FAT1: variants seen among roughly 807,000 people sequenced by gnomAD.
FAT1 encodes protocadherin Fat 1.
In FAT1, 171 loss-of-function variants were observed where a neutral mutation model predicts 329.8. The ratio of observed to expected loss-of-function variants is 0.52; its 90% CI spans 0.46 to 0.59. The LOEUF (loss-of-function observed/expected upper bound fraction) is 0.59, where lower values mean the gene tolerates loss of function less well. Ranked by LOEUF, FAT1 falls within the 20% of genes least tolerant of loss-of-function variation. The pLI, the probability that FAT1 is intolerant of heterozygous loss-of-function variation, is 0.00. For missense variants in FAT1, 5,672 were observed against 5,774.4 expected, an observed-to-expected ratio of 0.98 and a Z score of 0.57; for synonymous variants, 2,233 against 2,228.6, an observed-to-expected ratio of 1.00 and a Z score of -0.06.
At chr4:186,696,412 C>T (rs748605325) in intron 2 of FAT1, among the ~76,000 whole-genome samples, 1 of 152,042 alleles carries the variant, frequency 6.6e-6, no homozygotes, top group Non-Finnish European at 1.5e-5. Context: ...AATATGTAAA[C>T]ACCTTCAGCT....
rs1740052269 is a variant in FAT1, at chr4:186,621,609, A to G, written c.4977T>C (p.Ile1659=). 1 of 1,613,942 alleles carries G rather than the reference A, an allele frequency of 6.2e-7. No homozygotes were observed. Among genetic ancestry groups the G allele is most frequent in the Non-Finnish European group, 8.5e-7 (1 of 1,179,918 alleles). The part of the protein sequence containing the change: ...EITSVRIFVT[I]ADNASPKFTS... ...TAAACTTCGGAGAGGCGTTGTCAGC[A>G]ATTGTGACAAAGATACGCACAGAAG... Residue 1659 remains isoleucine (I), a synonymous_variant, in exon 10 of 27, where the codon ATT becomes ATC. Coordinates refer to ENST00000441802, the MANE Select transcript of FAT1 (RefSeq NM_005245.4).
rs760567897 is a variant in FAT1, at chr4:186,603,682, C to T, written c.10844G>A (p.Ser3615Asn). Reference sequence around the variant, plus strand: ...CGTCGTGAACTTCCCATCTGTTACGCTGACATTGAGAAGGTATTGCCCTAT... The same window carrying T: ...CGTCGTGAACTTCCCATCTGTTACGTTGACATTGAGAAGGTATTGCCCTAT... ...LDIGQYLLNV[S>N]VTDGKFTTVA... The change falls in exon 19 of 27, where the codon AGC (serine) becomes AAC (asparagine). Residue 3615 changes from serine (S) to asparagine (N), a missense_variant. By Grantham distance (46) the Ser-to-Asn change is conservative. This residue lies in a region of FAT1 where 1,706 missense variants were observed against 1,859.1 expected (regional missense o/e 0.92). Coordinates refer to ENST00000441802, the MANE Select transcript of FAT1 (RefSeq NM_005245.4). 2.5e-5 allele frequency: 40 copies of T among 1,613,888 alleles called. No homozygotes were observed. Among genetic ancestry groups the T allele is most frequent in the Non-Finnish European group, 8.5e-7 (1 of 1,179,906 alleles).
intron 26 of FAT1, among the ~76,000 whole-genome samples, chr4:186,595,172 C>T (rs140729779): frequency 7.9e-5 from 12 of 152,212 alleles, no homozygotes; most frequent in African/African-American, 2.4e-4. Flanking sequence ...TCTGGCAGTA[C>T]GCTCTGATCC....
intron 3 of FAT1, among the ~76,000 whole-genome samples, chr4:186,652,911 G>A (rs986974020): frequency 4.6e-5 from 7 of 152,006 alleles, no homozygotes; most frequent in African/African-American, 1.7e-4. Context: ...CGTGCTTTAG[G>A]GATTACCACA....
At chr4:186,665,506 T>G (rs868648773) in intron 2 of FAT1, among the ~76,000 whole-genome samples, 1 of 152,226 alleles carries the variant, frequency 6.6e-6, no homozygotes, top group African/African-American at 2.4e-5. Context: ...TTGAGAAGTG[T>G]CTGTTCATAT....
intron 7 of FAT1, among the ~76,000 whole-genome samples, chr4:186,630,821 T>C (rs1740547953): frequency 2.0e-5 from 3 of 151,902 alleles, no homozygotes; most frequent in Admixed American, 1.3e-4. Flanking sequence ...AGTGATCTGC[T>C]CCAGAGGCCA....
At chr4:186,634,373 T>C (rs1467809412) in intron 6 of FAT1, among the ~76,000 whole-genome samples, 1 of 152,204 alleles carries the variant, frequency 6.6e-6, no homozygotes, top group Non-Finnish European at 1.5e-5. Flanking sequence ...GTTTCTATCC[T>C]ATTAATATTA....
At chr4:186,692,376 A>G (rs925844675) in intron 2 of FAT1, among the ~76,000 whole-genome samples, 21 of 152,048 alleles carry the variant, frequency 1.4e-4, no homozygotes, top group South Asian at 4.1e-4. Flanking sequence ...GCAGTGGCGC[A>G]ATCTCGGTTC....
At chr4:186,617,601 A>T in intron 10 of FAT1, 107 bp downstream of exon 10, 1 of 916,512 alleles carries the variant, frequency 1.1e-6, no homozygotes, top group Non-Finnish European at 1.6e-6. Flanking sequence ...ATTTTTAACT[A>T]AAATCATCCC....
In FAT1 at chr4:186,618,837, A is replaced by G. The variant is rs2126499512; in HGVS notation, c.7749T>C (p.Asn2583=). The change falls in exon 10 of 27, where the codon AAT becomes AAC. Residue 2583 remains asparagine, a synonymous_variant. Coordinates refer to ENST00000441802, the MANE Select transcript of FAT1 (RefSeq NM_005245.4). The part of the protein sequence containing the change: ...AGGKVAFCTV[N]VILTDDNDNA... ...TGTCATTGTCATCTGTAAGGATGACATTCACGGTGCAGAAAGCAACTTTTC... is the reference window on the plus strand; with the variant it reads ...TGTCATTGTCATCTGTAAGGATGACGTTCACGGTGCAGAAAGCAACTTTTC... The G allele has an allele frequency of 6.2e-7, 1 of 1,614,006 alleles. No individual in the cohort carries two copies. Among genetic ancestry groups the G allele is most frequent in the Non-Finnish European group, 8.5e-7 (1 of 1,179,888 alleles).
chr4:186,619,086 T>C lies in FAT1; in HGVS notation c.7500A>G (p.Glu2500=), dbSNP rs1371580208. Reference sequence around the variant, plus strand: ...TATGTAGGGGAGCGTTTTCAGCTAGTTCCACTTCATATTCGTTCTGAAGGA... The same window carrying C: ...TATGTAGGGGAGCGTTTTCAGCTAGCTCCACTTCATATTCGTTCTGAAGGA... The part of the protein sequence containing the change: ...PAFLQNEYEV[E]LAENAPLHTL... The change falls in exon 10 of 27, where the codon GAA becomes GAG. Residue 2500 remains glutamate, a synonymous_variant. Coordinates refer to ENST00000441802, the MANE Select transcript of FAT1 (RefSeq NM_005245.4). 6.2e-7 allele frequency: 1 copy of C among 1,613,908 alleles called. No homozygotes were observed. Among genetic ancestry groups the C allele is most frequent in the African/African-American group, 1.3e-5 (1 of 74,934 alleles).
At chr4:186,638,439 C>A (rs555103129) in intron 4 of FAT1, among the ~76,000 whole-genome samples, 2 of 152,246 alleles carry the variant, frequency 1.3e-5, no homozygotes, top group African/African-American at 4.8e-5. Flanking sequence ...TCTGTCAATC[C>A]TTGTAGTGAC....
chr4:186,597,549 ATAT>A, intron 24 of FAT1, 130 bp downstream of exon 24: 1 of 653,806 alleles, frequency 1.5e-6, no homozygotes, highest in Non-Finnish European at 2.7e-6. Flanking sequence ...ATTATAAATT[ATAT>A]AAGGGGCCAA....
At chr4:186,651,775 C>CA (rs1741670530) in intron 3 of FAT1, among the ~76,000 whole-genome samples, 1 of 152,232 alleles carries the variant, frequency 6.6e-6, no homozygotes, top group Non-Finnish European at 1.5e-5. Context: ...CCCAGCCCCT[C>CA]AGAGCTCTGG....
intron 1 of FAT1, among the ~76,000 whole-genome samples, chr4:186,715,714 G>A (rs947278492): frequency 1.3e-5 from 2 of 152,146 alleles, no homozygotes; most frequent in Non-Finnish European, 2.9e-5. Flanking sequence ...TATTTAGAAG[G>A]TGATCACACT....
Position 186,641,797 on chromosome 4 carries a change from A to G in FAT1, c.3581-2014T>C, listed in dbSNP as rs544288575. Among the ~76,000 whole-genome samples, 5 of 152,270 alleles carry G rather than the reference A, an allele frequency of 3.3e-5. No homozygotes were observed. The South Asian group carries it at 8.3e-4, about 25-fold the overall frequency. On this transcript the variant is annotated intron_variant, in intron 3 of 26. Coordinates refer to ENST00000441802, the MANE Select transcript of FAT1 (RefSeq NM_005245.4). The stretch of plus-strand genomic sequence containing the variant: ...TGAGGCAGGCGGATCACCTGAGCTC[A>G]GAGGTTCGAGACCAGCCTGGCCAAC...
At position 186,621,163 on chromosome 4, in the gene FAT1, A is replaced by G. The variant is rs1036641566; in HGVS notation, c.5423T>C (p.Val1808Ala). The G allele has an allele frequency of 6.2e-7, 1 of 1,613,870 alleles. No homozygotes were observed. The highest frequency in any genetic ancestry group is 8.5e-7 in the Non-Finnish European group (1 of 1,179,912). Residue 1808 changes from valine (V) to alanine (A), a missense_variant, in exon 10 of 27, where the codon GTA becomes GCA. Physicochemically the swap from Val to Ala is moderately conservative, Grantham distance 64 (BLOSUM62 0). Coordinates refer to ENST00000441802, the MANE Select transcript of FAT1 (RefSeq NM_005245.4). ...TACAGATGGTTCAACAATGTGATAT[A>G]CAAGCAAAGCATTTGAGTCTTTATC... ...DADKDSNALL[V>A]YHIVEPSVHT...
Position 186,678,596 on chromosome 4 carries a change from T to C in FAT1, c.3266-14983A>G, listed in dbSNP as rs1389652686. On this transcript the variant is annotated intron_variant, in intron 2 of 26. Coordinates refer to ENST00000441802, the MANE Select transcript of FAT1 (RefSeq NM_005245.4). The stretch of plus-strand genomic sequence containing the variant: ...CATTAATATCAATTATTGTATATTA[T>C]TGATATTATGTATTATATATGTTAT... Among the ~76,000 whole-genome samples the C allele has an allele frequency of 9.4e-5, 14 of 148,688 alleles. No individual in the cohort carries two copies. In the Admixed American group the frequency reaches 9.4e-4, roughly 10 times the overall value.
At chr4:186,671,934 T>G (rs1364867925) in intron 2 of FAT1, among the ~76,000 whole-genome samples, 1 of 152,076 alleles carries the variant, frequency 6.6e-6, no homozygotes, top group East Asian at 1.9e-4. Flanking sequence ...AGGAGTCTAT[T>G]GGGCTGAAGG....
Sources: allele counts gnomAD v4.1 joint callset (sites outside exome capture counted in the v4.1 genomes callset), GRCh38; gene constraint gnomAD v4.1.1; regional missense constraint gnomAD v4.1.1; transcripts MANE v1.5; gene names NCBI Gene and HGNC (gene_info 2026-07-23, HGNC 2026-07-21).